B4GALT7: variants seen among roughly 807,000 people sequenced by gnomAD.
B4GALT7 encodes the protein UDP-Gal:beta-GlcNAc beta-1,4-galactosyltransferase 7.
Under a neutral mutation model 33.0 loss-of-function variants are expected in B4GALT7, and 30 were observed. The ratio of observed to expected loss-of-function variants is 0.91; its 90% CI spans 0.68 to 1.23. B4GALT7 has a LOEUF of 1.23. B4GALT7 is among the 50% of genes most tolerant of loss of function. The pLI is 0.00. For missense variants in B4GALT7, 507 were observed against 450.8 expected (o/e 1.12, Z -1.13); for synonymous variants, 213 against 187.2 (o/e 1.14, Z -1.13).
Position 177,607,389 on chromosome 5 carries a change from C to T in B4GALT7, c.501C>T (p.Leu167=). The change falls in exon 3 of 6, where the codon CTC becomes CTT. Residue 167 remains leucine, a synonymous_variant. Coordinates refer to ENST00000029410, the MANE Select transcript of B4GALT7 (RefSeq NM_007255.3). Reference sequence around the variant, plus strand: ...TTGCCATGCACGACGTTGACCTGCTCCCTCTCAACGAGGAGCTGGACTATG... The same window carrying T: ...TTGCCATGCACGACGTTGACCTGCTTCCTCTCAACGAGGAGCTGGACTATG... ...DYIAMHDVDL[L]PLNEELDYGF... is the part of the protein sequence containing the mutation. 1 of 1,613,978 alleles carries T rather than the reference C, an allele frequency of 6.2e-7. No homozygotes were observed. The highest frequency in any genetic ancestry group is 2.2e-5 in the East Asian group (1 of 44,888).
intron 3 of B4GALT7, chr5:177,607,884 T>G (rs1003759813): frequency 8.5e-5 from 32 of 374,474 alleles, no homozygotes; most frequent in East Asian, 6.6e-4. Context: ...AGGTGGTGGT[T>G]GTTACTGCAG....
Position 177,600,275 on chromosome 5 carries a change from T to TGGGCCC in B4GALT7, c.50+22_50+27dup, listed in dbSNP as rs1385127821. ...GAGGACGGCAGGTGAGCGGCGGCGG[T>TGGGCCC]GGGCCCGGGCCCCGTCCTCCCGGGC... On this transcript the variant is annotated intron_variant, in intron 1 of 5. Coordinates refer to ENST00000029410, the MANE Select transcript of B4GALT7 (RefSeq NM_007255.3). This position sits in a 1 kb window ranked among gnomAD's most constrained non-coding sequence, Gnocchi z 4.4. 1 of 1,327,844 alleles carries TGGGCCC rather than the reference T, an allele frequency of 7.5e-7. No homozygotes were observed. The highest frequency in any genetic ancestry group is 3.5e-5 in the Admixed American group (1 of 28,954). The allele number at this position is 1,327,844 out of a possible 1,614,324, so 82.3% of individuals were successfully genotyped here.
chr5:177,608,493 C>T lies in B4GALT7; in HGVS notation c.640-46C>T, dbSNP rs766200816. The stretch of plus-strand genomic sequence containing the variant: ...GAGCGGTAGGAGACCAAAGGCCCCC[C>T]CCCCCGGGAAGATGGGCCGAGTGAC... On this transcript the variant is annotated intron_variant, in intron 3 of 5. Transcript: ENST00000029410. The surrounding 1 kb of genome is among the most constrained non-coding windows in gnomAD (Gnocchi z 4.1). 2.6e-6 allele frequency: 4 copies of T among 1,561,748 alleles called. No individual in the cohort carries two copies. The South Asian group carries it at 3.3e-5, about 13-fold the overall frequency.
intron 1 of B4GALT7, chr5:177,602,788 G>A (rs905259105): frequency 2.0e-6 from 2 of 982,232 alleles, no homozygotes; most frequent in African/African-American, 3.5e-5. Flanking sequence ...GGCAAACAGA[G>A]GAGGGTCATT....
In B4GALT7 at chr5:177,609,617, G is replaced by A; in HGVS notation, c.906G>A (p.Val302=). The A allele has an allele frequency of 6.2e-7, 1 of 1,614,054 alleles. No homozygotes were observed. The highest frequency in any genetic ancestry group is 8.5e-7 in the Non-Finnish European group (1 of 1,180,028). The change falls in exon 6 of 6, where the codon GTG becomes GTA. Residue 302 remains valine, a synonymous_variant. Coordinates refer to ENST00000029410, the MANE Select transcript of B4GALT7 (RefSeq NM_007255.3). ...TGGCTTCCCGCACTGCCCTGTCTGT[G>A]GGCGGGGCCCCCTGCACTGTCCTCA... ...YHVASRTALS[V]GGAPCTVLNI...
In B4GALT7 at chr5:177,604,925, G is replaced by T; in HGVS notation, c.413+384G>T. On this transcript the variant is annotated intron_variant, in intron 2 of 5. Coordinates refer to ENST00000029410, the MANE Select transcript of B4GALT7 (RefSeq NM_007255.3). ...AGGGAAAGGGAGGGTCAAGGCCACG[G>T]CTTTAAAGTTGCCCACAGTCTGGCG... 3 of 464,232 alleles carry T rather than the reference G, an allele frequency of 6.5e-6. No individual in the cohort carries two copies. The Admixed American group carries it at 7.1e-5, about 11-fold the overall frequency. 28.8% of individuals were successfully genotyped at this position (464,232 alleles called of 1,614,324 possible). A position where few individuals can be genotyped will look rare whatever the true frequency, so the allele number is the denominator to read the frequency against.
Position 177,607,292 on chromosome 5 carries a change from C to A in B4GALT7, c.414-10C>A. 6.3e-7 allele frequency: 1 copy of A among 1,597,356 alleles called. No homozygotes were observed. The highest frequency in any genetic ancestry group is 8.5e-7 in the Non-Finnish European group (1 of 1,172,276). On this transcript the variant is annotated splice_polypyrimidine_tract_variant and intron_variant, in intron 2 of 5. Coordinates refer to ENST00000029410, the MANE Select transcript of B4GALT7 (RefSeq NM_007255.3). ...TGCTGCCCCTGCCCAGCCTTGCCCA[C>A]CCTGCACAGGTTCAACCGGGCAGCG...
Position 177,604,591 on chromosome 5 carries a change from G to C in B4GALT7, c.413+50G>C, listed in dbSNP as rs148713041. On this transcript the variant is annotated intron_variant, in intron 2 of 5. Transcript: ENST00000029410. ...CCTCGGCACCCCTGCCCGGGCTCAGGCTTCTCAGGCCCTGTGAGAGGCCAC... is the reference window on the plus strand; with the variant it reads ...CCTCGGCACCCCTGCCCGGGCTCAGCCTTCTCAGGCCCTGTGAGAGGCCAC... 8.6e-4 allele frequency: 1,378 copies of C among 1,611,392 alleles called. 4 individuals carry two copies. Among genetic ancestry groups the C allele is most frequent in the Middle Eastern group, 1.3e-3 (8 of 5,990 alleles).
Position 177,608,448 on chromosome 5 carries a change from TG to T in B4GALT7, c.640-86del. 8.3e-7 allele frequency: 1 copy of T among 1,200,664 alleles called. No homozygotes were observed. The highest frequency in any genetic ancestry group is 1.2e-6 in the Non-Finnish European group (1 of 813,042). 74.4% of individuals were successfully genotyped at this position (1,200,664 alleles called of 1,614,324 possible). A position where few individuals can be genotyped will look rare whatever the true frequency, so the allele number is the denominator to read the frequency against. ...GCACCCGGGGCTTATTCAGAGGCGC[TG>T]GGGGAGAGGGGCACTCCCGAGCGGT... On this transcript the variant is annotated intron_variant, in intron 3 of 5. Transcript: ENST00000029410. This position sits in a 1 kb window ranked among gnomAD's most constrained non-coding sequence, Gnocchi z 4.1.
In B4GALT7 at chr5:177,604,238, C is replaced by T; in HGVS notation, c.110C>T (p.Ala37Val). Residue 37 changes from alanine to valine, a missense_variant, in exon 2 of 6, where the codon GCC (alanine) becomes GTC (valine). Transcript: ENST00000029410. The part of the protein sequence containing the change: ...RKCSVFHLFV[A>V]CLSLGFFSLL... Reference sequence around the variant, plus strand: ...TGTTCCGTCTTCCACCTGTTCGTGGCCTGCCTCTCGCTGGGCTTCTTCTCC... The same window carrying T: ...TGTTCCGTCTTCCACCTGTTCGTGGTCTGCCTCTCGCTGGGCTTCTTCTCC... 2 of 1,613,818 alleles carry T rather than the reference C, an allele frequency of 1.2e-6. No individual in the cohort carries two copies. The highest frequency in any genetic ancestry group is 8.5e-7 in the Non-Finnish European group (1 of 1,179,928).
At position 177,604,353 on chromosome 5, in the gene B4GALT7, C is replaced by A. The variant is rs780427259; in HGVS notation, c.225C>A (p.Cys75Ter). The change falls in exon 2 of 6, where the codon TGC becomes TGA. Residue 75 changes from cysteine (C) to a stop codon, truncating the protein, a stop_gained. Transcript: ENST00000029410. LOFTEE classifies it high-confidence loss of function. ...AGACCTCGGGCCCTCCCCGTGCCTG[C>A]CCCCCAGAGCCGCCCCCTGAGCACT... is the stretch of plus-strand genomic sequence containing the variant. ...GQETSGPPRA[C>*]PPEPPPEHWE... The A allele has an allele frequency of 1.2e-6, 2 of 1,610,792 alleles. No individual in the cohort carries two copies. Among genetic ancestry groups the A allele is most frequent in the Non-Finnish European group, 1.7e-6 (2 of 1,178,194 alleles).
chr5:177,608,938 G>C lies in B4GALT7; in HGVS notation c.752G>C (p.Gly251Ala), dbSNP rs1433166971. The C allele has an allele frequency of 1.2e-6, 2 of 1,613,768 alleles. No homozygotes were observed. Among genetic ancestry groups the C allele is most frequent in the Non-Finnish European group, 1.7e-6 (2 of 1,180,006 alleles). ...TTCCGCCCCTCGGGAATCACAACTG[G>C]GTACAAGACATTTCGCCACCTGCAT... Reference protein sequence around the residue: ...QLFRPSGITTGYKTFRHLHDP... With the variant: ...QLFRPSGITTAYKTFRHLHDP... The change falls in exon 5 of 6, where the codon GGG (glycine) becomes GCG (alanine). Residue 251 changes from glycine to alanine, a missense_variant. By Grantham distance (60) the Gly-to-Ala change is moderately conservative (BLOSUM62 0). Transcript: ENST00000029410. This position sits in a 1 kb window ranked among gnomAD's most constrained non-coding sequence, Gnocchi z 4.1.
At chr5:177,609,410 G>A (rs1768111245) in intron 5 of B4GALT7, 130 bp from the exon 6 acceptor site, 2 of 1,241,534 alleles carry the variant, frequency 1.6e-6, no homozygotes, top group African/African-American at 3.0e-5. Flanking sequence ...AGGCTTCACT[G>A]CTTTGAGCTC....
Position 177,609,548 on chromosome 5 carries a change from C to T in B4GALT7, c.837C>T (p.Phe279=), listed in dbSNP as rs1581997355. 1 of 1,613,286 alleles carries T rather than the reference C, an allele frequency of 6.2e-7. No homozygotes were observed. Among genetic ancestry groups the T allele is most frequent in the Non-Finnish European group, 8.5e-7 (1 of 1,180,008 alleles). The change falls in exon 6 of 6, where the codon TTC becomes TTT. Residue 279 remains phenylalanine (F), a synonymous_variant. Transcript: ENST00000029410. ...KRIAAQKQEQ[F]KVDREGGLNT... ...CCTCTCTTCCTCCCCAGGAGCAGTTCAAGGTGGACAGGGAGGGAGGCCTGA... is the reference window on the plus strand; with the variant it reads ...CCTCTCTTCCTCCCCAGGAGCAGTTTAAGGTGGACAGGGAGGGAGGCCTGA...
chr5:177,607,536 C>T lies in B4GALT7; in HGVS notation c.639+9C>T, dbSNP rs758275982. On this transcript the variant is annotated intron_variant, in intron 3 of 5. Transcript: ENST00000029410. ...AGCAGCACTACCGGCTGGTGAGGCC[C>T]GGACAGCCTGCTCTGCTCAGAGCCG... 1.7e-5 allele frequency: 28 copies of T among 1,608,072 alleles called. No individual in the cohort carries two copies. Among genetic ancestry groups the T allele is most frequent in the East Asian group, 2.2e-5 (1 of 44,882 alleles).
In B4GALT7 at chr5:177,600,278, GC is replaced by G. The variant is rs1767809366; in HGVS notation, c.50+21del. 2 of 1,311,732 alleles carry G rather than the reference GC, an allele frequency of 1.5e-6. No homozygotes were observed. Among genetic ancestry groups the G allele is most frequent in the Non-Finnish European group, 1.9e-6 (2 of 1,027,340 alleles). 81.3% of individuals were successfully genotyped at this position (1,311,732 alleles called of 1,614,324 possible). A position where few individuals can be genotyped will look rare whatever the true frequency, so the allele number is the denominator to read the frequency against. On this transcript the variant is annotated intron_variant, in intron 1 of 5. Transcript: ENST00000029410. The surrounding 1 kb of genome is among the most constrained non-coding windows in gnomAD (Gnocchi z 4.4). Reference sequence around the variant, plus strand: ...GACGGCAGGTGAGCGGCGGCGGTGGGCCCGGGCCCCGTCCTCCCGGGCGCCG... The same window carrying G: ...GACGGCAGGTGAGCGGCGGCGGTGGGCCGGGCCCCGTCCTCCCGGGCGCCG...
At chr5:177,605,342 G>T in intron 2 of B4GALT7, 1 of 276,768 alleles carries the variant, frequency 3.6e-6, no homozygotes. Flanking sequence ...CACGTGAGGC[G>T]GCCATGCTGC....
At chr5:177,604,100 C>T in intron 1 of B4GALT7, 79 bp from the exon 2 acceptor site, 3 of 1,600,334 alleles carry the variant, frequency 1.9e-6, no homozygotes, top group Non-Finnish European at 1.7e-6. Flanking sequence ...GCAGCCTCCT[C>T]GTGGGGAGGC....
intron 1 of B4GALT7, among the ~76,000 whole-genome samples, chr5:177,601,176 G>A (rs1164996251): frequency 2.0e-5 from 3 of 152,118 alleles, no homozygotes; most frequent in East Asian, 3.8e-4. Flanking sequence ...TTCAGACTTG[G>A]TGTTGAAAGG....
Sources: allele counts gnomAD v4.1 joint callset (sites outside exome capture counted in the v4.1 genomes callset), GRCh38; gene constraint gnomAD v4.1.1; non-coding constraint Gnocchi (gnomAD v3.1); transcripts MANE v1.5; gene names NCBI Gene and HGNC (gene_info 2026-07-23, HGNC 2026-07-21).